Variants in LHFPL3 observed in about 807,000 individuals in gnomAD.
The protein encoded by LHFPL3 is LHFPL tetraspan subfamily member 3, also known as LHFPL tetraspan subfamily member 3 protein.
LHFPL3 carries 5 observed loss-of-function variants against 19.3 expected under a neutral mutation model. That is an observed-to-expected ratio of 0.26 (90% CI 0.14 to 0.54). The LOEUF (loss-of-function observed/expected upper bound fraction) is 0.54. LHFPL3 is among the 20% of genes least tolerant of loss of function. The pLI, the probability that LHFPL3 is intolerant of heterozygous loss-of-function variation, is 0.94. For synonymous variants in LHFPL3, 133 were observed against 126.2 expected (o/e 1.05, Z -0.36); for missense variants, 249 against 307.4 (o/e 0.81, Z 1.42).
chr7:104,469,706 C>T (rs1418102631), intron 1 of LHFPL3, among the ~76,000 whole-genome samples: 2 of 152,066 alleles, frequency 1.3e-5, no homozygotes, highest in African/African-American at 4.8e-5. Flanking sequence ...AATTCTGTTT[C>T]CGAATAACAA....
At chr7:104,902,323 A>G (rs10808135) in intron 2 of LHFPL3, among the ~76,000 whole-genome samples, 88,422 of 151,578 alleles carry the variant, frequency 0.58, 26,175 homozygotes, top group African/African-American at 0.67. Context: ...GGTAGAGGCC[A>G]CAGTGAGCTA....
intron 1 of LHFPL3, among the ~76,000 whole-genome samples, chr7:104,686,962 C>T (rs962794869): frequency 2.6e-5 from 4 of 152,210 alleles, no homozygotes; most frequent in Admixed American, 2.0e-4. Flanking sequence ...CACTCAGTAT[C>T]ATGAGAACAG....
At chr7:104,655,867 G>A (rs183236970) in intron 1 of LHFPL3, among the ~76,000 whole-genome samples, 193 of 152,120 alleles carry the variant, frequency 1.3e-3, no homozygotes, top group Admixed American at 2.1e-3. Flanking sequence ...CATTGACAAA[G>A]GTTAGAACTA....
chr7:104,631,146 C>G (rs1353098206), intron 1 of LHFPL3, among the ~76,000 whole-genome samples: 1 of 152,124 alleles, frequency 6.6e-6, no homozygotes, highest in Non-Finnish European at 1.5e-5. Context: ...TAGCTAACAA[C>G]AACAACAACA....
intron 1 of LHFPL3, among the ~76,000 whole-genome samples, chr7:104,485,622 CA>C (rs1397264881): frequency 6.6e-6 from 1 of 152,108 alleles, no homozygotes; most frequent in Non-Finnish European, 1.5e-5. Context: ...GATTTTCTAT[CA>C]TTTTTTATTA....
At chr7:104,572,219 G>A (rs539428382) in intron 1 of LHFPL3, among the ~76,000 whole-genome samples, 1 of 152,168 alleles carries the variant, frequency 6.6e-6, no homozygotes, top group East Asian at 1.9e-4. Flanking sequence ...TGCGTGTAGT[G>A]GCAAAAACTG....
intron 1 of LHFPL3, among the ~76,000 whole-genome samples, chr7:104,610,284 T>C (rs962648): frequency 0.91 from 138,610 of 152,038 alleles, 63,625 homozygotes; most frequent in East Asian, 0.99. Flanking sequence ...GGCCAACCCT[T>C]CTTTAGGTGA....
chr7:104,736,935 T>C (rs569050773), intron 2 of LHFPL3, 24 bp downstream of exon 2: 4 of 1,542,242 alleles, frequency 2.6e-6, no homozygotes, highest in African/African-American at 1.4e-5. Flanking sequence ...AAGGAACTCT[T>C]ACCTGGATGC....
chr7:104,748,709 G>T (rs1354009547), intron 2 of LHFPL3, among the ~76,000 whole-genome samples: 1 of 152,098 alleles, frequency 6.6e-6, no homozygotes, highest in African/African-American at 2.4e-5. Context: ...ACCCACAAAT[G>T]ATCAATAAAT....
At chr7:104,665,109 AC>A (rs1792307128) in intron 1 of LHFPL3, among the ~76,000 whole-genome samples, 1 of 152,238 alleles carries the variant, frequency 6.6e-6, no homozygotes, top group South Asian at 2.1e-4. Flanking sequence ...AATATTTCTC[AC>A]CCAGATACAT....
intron 1 of LHFPL3, among the ~76,000 whole-genome samples, chr7:104,332,228 T>C (rs1040262964): frequency 1.1e-4 from 15 of 132,848 alleles, no homozygotes; most frequent in African/African-American, 3.1e-4. Flanking sequence ...CTTTTCTTTT[T>C]TTTTTTTTTT....
At chr7:104,771,631 T>C (rs1002630327) in intron 2 of LHFPL3, among the ~76,000 whole-genome samples, 1 of 151,736 alleles carries the variant, frequency 6.6e-6, no homozygotes, top group Non-Finnish European at 1.5e-5. Context: ...CAATGAATAT[T>C]GATATTTTGG....
At chr7:104,583,172 C>A (rs1267117528) in intron 1 of LHFPL3, among the ~76,000 whole-genome samples, 2 of 152,106 alleles carry the variant, frequency 1.3e-5, no homozygotes, top group Non-Finnish European at 2.9e-5. Context: ...CTACAACTAT[C>A]TGATCTTTGA....
chr7:104,502,386 A>T (rs1000321069), intron 1 of LHFPL3, among the ~76,000 whole-genome samples: 1 of 151,374 alleles, frequency 6.6e-6, no homozygotes, highest in Non-Finnish European at 1.5e-5. Context: ...TTTAAGAAGC[A>T]TAAAGCTATT....
intron 1 of LHFPL3, among the ~76,000 whole-genome samples, chr7:104,532,318 C>T (rs376542683): frequency 1.1e-3 from 94 of 87,170 alleles, no homozygotes; most frequent in Admixed American, 2.1e-3. Flanking sequence ...TTCTTTCTGT[C>T]TTTTTTTTTT....
intron 1 of LHFPL3, among the ~76,000 whole-genome samples, chr7:104,511,793 G>C (rs1479167054): frequency 1.3e-5 from 2 of 151,992 alleles, no homozygotes; most frequent in African/African-American, 4.8e-5. Flanking sequence ...GACACCACTT[G>C]TTCCCCAAAA....
chr7:104,603,052 TTTTCTTTCTTTCTTTTTCTTTCTTTC>T (rs1213192786), intron 1 of LHFPL3, among the ~76,000 whole-genome samples: 68 of 150,758 alleles, frequency 4.5e-4, no homozygotes, highest in African/African-American at 5.4e-4. Flanking sequence ...GTTTTCTTTT[TTTTCTTTCTTTCTTTTTCTTTCTTTC>T]TTTCTTTCTT....
At chr7:104,528,035 CAAATTAATTA>C (rs1352257494) in intron 1 of LHFPL3, among the ~76,000 whole-genome samples, 1 of 152,082 alleles carries the variant, frequency 6.6e-6, no homozygotes, top group East Asian at 1.9e-4. Flanking sequence ...ATGGGTGTTC[CAAATTAATTA>C]AACTCTGAAG....
At chr7:104,607,101 C>T (rs1048431236) in intron 1 of LHFPL3, among the ~76,000 whole-genome samples, 5 of 152,238 alleles carry the variant, frequency 3.3e-5, no homozygotes, top group Non-Finnish European at 5.9e-5. Context: ...TAGCGGAGTT[C>T]AGGCCCCTCT....
Sources: allele counts gnomAD v4.1 joint callset (sites outside exome capture counted in the v4.1 genomes callset), GRCh38; gene constraint gnomAD v4.1.1; transcripts MANE v1.5; gene names NCBI Gene and HGNC (gene_info 2026-07-23, HGNC 2026-07-21).